CAMTA1: variants seen among roughly 807,000 people sequenced by gnomAD.
CAMTA1 encodes calmodulin binding transcription activator 1, also known as calmodulin-binding transcription activator 1.
Under a neutral mutation model 170.9 loss-of-function variants are expected in CAMTA1, and 27 were observed. The ratio of observed to expected loss-of-function variants is 0.16; its 90% CI spans 0.12 to 0.22. CAMTA1 has a LOEUF of 0.22. Ranked by LOEUF, CAMTA1 falls within the 10% of genes least tolerant of loss-of-function variation. The probability of loss-of-function intolerance (pLI) is 1.00; values close to 1 mark genes in which losing one functional copy is unlikely to be tolerated. For synonymous variants in CAMTA1, 833 were observed against 891.5 expected (o/e 0.93, Z 1.17); for missense variants, 1,619 against 2,217.2 (o/e 0.73, Z 5.42).
At chr1:6,827,510 T>TGTGGCGATGATAGCAG (rs539584180) in intron 3 of CAMTA1, among the ~76,000 whole-genome samples, 2,211 of 152,274 alleles carry the variant, frequency 0.015, 48 homozygotes, top group African/African-American at 0.05. Context: ...TTCTGCAGAA[T>TGTGGCGATGATAGCAG]GTTATGTGGC....
At chr1:7,485,401 G>A (rs938236794) in intron 6 of CAMTA1, among the ~76,000 whole-genome samples, 1 of 152,192 alleles carries the variant, frequency 6.6e-6, no homozygotes, top group African/African-American at 2.4e-5. Context: ...AGCTCCCTGG[G>A]ATCAGCTGCC....
rs12091141 is a variant in CAMTA1 at position 7,634,391 on chromosome 1, T to C, written c.511-6009T>C. Reference sequence around the variant, plus strand: ...GGAAGCCTGGAGGGGCCAAGGGTGCTGAGCAGGAGGTCGGGAGGCGAGGTC... The same window carrying C: ...GGAAGCCTGGAGGGGCCAAGGGTGCCGAGCAGGAGGTCGGGAGGCGAGGTC... On this transcript the variant is annotated intron_variant, in intron 6 of 22. Coordinates refer to ENST00000303635, the MANE Select transcript of CAMTA1 (RefSeq NM_015215.4). The surrounding 1 kb of genome is among the most constrained non-coding windows in gnomAD (Gnocchi z 6.2). 4.8e-3 allele frequency among the ~76,000 whole-genome samples: 724 copies of C among 151,936 alleles called. 4 individuals carry two copies. The highest frequency in any genetic ancestry group is 0.016 in the African/African-American group (675 of 41,494).
At chr1:7,550,353 C>A (rs2094782166) in intron 6 of CAMTA1, among the ~76,000 whole-genome samples, 1 of 152,004 alleles carries the variant, frequency 6.6e-6, no homozygotes, top group Admixed American at 6.5e-5. Context: ...ACTCACCATT[C>A]CTTTTTGCCT....
At chr1:6,788,730 A>AGG (rs1009381784) in intron 1 of CAMTA1, among the ~76,000 whole-genome samples, 1 of 152,058 alleles carries the variant, frequency 6.6e-6, no homozygotes, top group Admixed American at 6.5e-5. Flanking sequence ...CCTGGTAAGC[A>AGG]GGGGGCTCCG....
chr1:7,372,114 C>T (rs2086519996), intron 5 of CAMTA1, among the ~76,000 whole-genome samples: 1 of 152,180 alleles, frequency 6.6e-6, no homozygotes, highest in African/African-American at 2.4e-5. Context: ...CTCACAGTGT[C>T]AAGAACAGCC....
intron 5 of CAMTA1, among the ~76,000 whole-genome samples, chr1:7,312,925 T>A (rs1002067117): frequency 6.6e-6 from 1 of 152,234 alleles, no homozygotes; most frequent in East Asian, 1.9e-4. Flanking sequence ...GGTCAACTAT[T>A]TTTAATGGCT....
At chr1:7,016,036 T>C (rs1178886471) in intron 3 of CAMTA1, among the ~76,000 whole-genome samples, 3 of 152,204 alleles carry the variant, frequency 2.0e-5, no homozygotes, top group East Asian at 1.9e-4. Context: ...TCCTCCAACA[T>C]TGGGGATTAC....
intron 5 of CAMTA1, among the ~76,000 whole-genome samples, chr1:7,357,678 G>T (rs971893962): frequency 6.4e-5 from 3 of 46,646 alleles, no homozygotes; most frequent in Admixed American, 5.3e-4. Flanking sequence ...TGGTTTGCTT[G>T]CTTTTGTTTT....
chr1:7,330,391 C>A (rs143223127), intron 5 of CAMTA1, among the ~76,000 whole-genome samples: 16 of 152,286 alleles, frequency 1.1e-4, no homozygotes, highest in Non-Finnish European at 1.9e-4. Flanking sequence ...GGAAGAGACA[C>A]GTTTGTCGTG....
intron 5 of CAMTA1, among the ~76,000 whole-genome samples, chr1:7,250,324 GA>G (rs772173425): frequency 6.6e-6 from 1 of 152,332 alleles, no homozygotes; most frequent in Non-Finnish European, 1.5e-5. Flanking sequence ...CACAGCCGTA[GA>G]GGGGGAGGGC....
chr1:7,105,582 T>C (rs907689171), intron 4 of CAMTA1, among the ~76,000 whole-genome samples: 1 of 152,202 alleles, frequency 6.6e-6, no homozygotes, highest in Non-Finnish European at 1.5e-5. Context: ...CACAGTTTAT[T>C]ATTAACATTA....
intron 4 of CAMTA1, among the ~76,000 whole-genome samples, chr1:7,105,019 T>A (rs1305672376): frequency 6.6e-6 from 1 of 152,218 alleles, no homozygotes; most frequent in Non-Finnish European, 1.5e-5. Context: ...CCCATCAGTG[T>A]GTGTCTGGGA....
chr1:7,100,539 G>T (rs1314639237), intron 4 of CAMTA1, among the ~76,000 whole-genome samples: 3 of 152,138 alleles, frequency 2.0e-5, no homozygotes, highest in Non-Finnish European at 4.4e-5. Flanking sequence ...TTTTCAGTCT[G>T]CAGAAAGAAA....
chr1:7,499,230 A>AGT (rs1201043879), intron 6 of CAMTA1, among the ~76,000 whole-genome samples: 2 of 81,760 alleles, frequency 2.4e-5, no homozygotes, highest in African/African-American at 5.3e-5. Context: ...TATGTATATG[A>AGT]GTGTGTGTGT....
intron 5 of CAMTA1, among the ~76,000 whole-genome samples, chr1:7,339,570 G>A (rs540941677): frequency 7.2e-5 from 11 of 151,998 alleles, no homozygotes; most frequent in South Asian, 2.1e-4. Context: ...ATCTCACTCT[G>A]TTTTGTTTGT....
chr1:7,051,467 C>T (rs1028102137), intron 3 of CAMTA1, among the ~76,000 whole-genome samples: 5 of 152,196 alleles, frequency 3.3e-5, no homozygotes, highest in East Asian at 1.9e-4. Flanking sequence ...GCTGCACGGA[C>T]GGAGACCTCT....
rs1020305791 is a variant in CAMTA1 at position 7,301,959 on chromosome 1, A to G, written c.438+52333A>G. Among the ~76,000 whole-genome samples, 6 of 152,260 alleles carry G rather than the reference A, an allele frequency of 3.9e-5. No homozygotes were observed. In the East Asian group the frequency reaches 1.2e-3, roughly 29 times the overall value. On this transcript the variant is annotated intron_variant, in intron 5 of 22. Transcript: ENST00000303635. ...CACGGAATTGATGAGTTGTGAGACC[A>G]GAGCTGTGGCTTCGGGGGTAAACTT...
At chr1:7,473,788 G>C (rs2093374009) in intron 6 of CAMTA1, among the ~76,000 whole-genome samples, 1 of 152,228 alleles carries the variant, frequency 6.6e-6, no homozygotes, top group Non-Finnish European at 1.5e-5. Flanking sequence ...TGGTGGGTCT[G>C]AGATGAGCCC....
chr1:6,808,456 C>T (rs776904362), intron 1 of CAMTA1, among the ~76,000 whole-genome samples: 24 of 152,170 alleles, frequency 1.6e-4, no homozygotes, highest in African/African-American at 2.2e-4. Context: ...CAGGCACACA[C>T]GCTCACCCAT....
Sources: gnomAD v4.1 joint callset for allele counts (sites outside exome capture counted in the v4.1 genomes callset) on GRCh38, gnomAD v4.1.1 for gene constraint, Gnocchi (gnomAD v3.1) non-coding constraint, MANE v1.5 for transcripts, NCBI Gene and HGNC (gene_info 2026-07-23, HGNC 2026-07-21) for gene names.